Variants in PTPN3 observed in about 807,000 individuals in gnomAD.
PTPN3 encodes the protein protein tyrosine phosphatase non-receptor type 3.
Under a neutral mutation model 132.7 loss-of-function variants are expected in PTPN3, and 96 were observed. That is an observed-to-expected ratio of 0.72 (90% confidence interval 0.61 to 0.86). The LOEUF (loss-of-function observed/expected upper bound fraction) is 0.86. PTPN3 is among the 40% of genes least tolerant of loss of function. The pLI, the probability that PTPN3 is intolerant of heterozygous loss-of-function variation, is 0.00. For missense variants in PTPN3, 1,125 were observed against 1,159.6 expected (o/e 0.97, Z 0.43); for synonymous variants, 398 against 429.0 (o/e 0.93, Z 0.89).
At chr9:109,431,349 CAGTT>C (rs941994988) in intron 10 of PTPN3, among the ~76,000 whole-genome samples, 84 of 152,346 alleles carry the variant, frequency 5.5e-4, no homozygotes, top group African/African-American at 1.7e-3. Context: ...GGTTTGGTCA[CAGTT>C]AGGCTGGACC....
chr9:109,394,063 G>T (rs1311947065), intron 19 of PTPN3, among the ~76,000 whole-genome samples: 2 of 152,170 alleles, frequency 1.3e-5, no homozygotes, highest in Admixed American at 6.5e-5. Context: ...AATAAACTCT[G>T]TGAGTTCATT....
intron 1 of PTPN3, among the ~76,000 whole-genome samples, chr9:109,483,584 G>A (rs1415375622): frequency 6.6e-6 from 1 of 152,164 alleles, no homozygotes; most frequent in Non-Finnish European, 1.5e-5. Context: ...AGAAAGCGAT[G>A]CCTTCTAAGG....
intron 18 of PTPN3, among the ~76,000 whole-genome samples, chr9:109,404,846 T>C (rs1841430381): frequency 6.6e-6 from 1 of 152,222 alleles, no homozygotes; most frequent in South Asian, 2.1e-4. Context: ...AATAATGGTG[T>C]TTAACACTCA....
At chr9:109,422,971 G>T in intron 12 of PTPN3, 119 bp from the exon 13 acceptor site, 2 of 1,262,680 alleles carry the variant, frequency 1.6e-6, no homozygotes, top group Non-Finnish European at 1.1e-6. Context: ...TAATGCCAAG[G>T]TTATGGGGAG....
chr9:109,531,478 C>A, the PTPN3 span, among the ~76,000 whole-genome samples: 1 of 152,184 alleles, frequency 6.6e-6, no homozygotes, highest in South Asian at 2.1e-4. Flanking sequence ...TTGGTTCTTG[C>A]TCAAAATCTT....
the PTPN3 span, among the ~76,000 whole-genome samples, chr9:109,526,451 T>A: frequency 2.0e-5 from 3 of 151,908 alleles, no homozygotes; most frequent in South Asian, 2.1e-4. Flanking sequence ...GGTGGGAGGA[T>A]TGCTTGAGCC....
At chr9:109,514,257 C>T in the PTPN3 span, among the ~76,000 whole-genome samples, 3 of 152,150 alleles carry the variant, frequency 2.0e-5, no homozygotes, top group Non-Finnish European at 2.9e-5. Context: ...ATACTGATAA[C>T]ATTTTAATGT....
Position 109,382,337 on chromosome 9 carries a change from C to CAA in PTPN3, c.2492_2493insTT (p.Arg832Ter). 6.2e-7 allele frequency: 1 copy of CAA among 1,614,090 alleles called. No homozygotes were observed. The highest frequency in any genetic ancestry group is 8.5e-7 in the Non-Finnish European group (1 of 1,179,968). On this transcript the variant is annotated frameshift_variant, in exon 24 of 26. Transcript: ENST00000374541. LOFTEE classifies it high-confidence loss of function. ...CTAGGACGGGCTCGCTGTCCACTCT[C>CAA]AGAGACCTCACATAGTTTACAAATT... is the stretch of plus-strand genomic sequence containing the variant.
chr9:109,397,805 T>C (rs1227859136), intron 19 of PTPN3: 1 of 152,142 alleles, frequency 6.6e-6, no homozygotes, highest in Non-Finnish European at 1.5e-5. Context: ...TGGCAGCACT[T>C]CCTTTAGGTG....
intron 2 of PTPN3, 49 bp from the exon 3 acceptor site, chr9:109,457,448 G>T: frequency 6.8e-7 from 1 of 1,467,740 alleles, no homozygotes; most frequent in Non-Finnish European, 9.4e-7. Flanking sequence ...ATTAATTGGT[G>T]GTAAAAACAT....
intron 1 of PTPN3, among the ~76,000 whole-genome samples, chr9:109,484,436 A>G (rs926518531): frequency 2.0e-5 from 3 of 152,144 alleles, no homozygotes; most frequent in Non-Finnish European, 2.9e-5. Context: ...GAGAGCTAAC[A>G]CTGAGCACAG....
At chr9:109,464,955 G>A (rs1418226877) in intron 1 of PTPN3, among the ~76,000 whole-genome samples, 1 of 152,158 alleles carries the variant, frequency 6.6e-6, no homozygotes, top group Non-Finnish European at 1.5e-5. Context: ...TTTCTGAGAT[G>A]CTTTTAACAT....
At chr9:109,502,830 A>G (rs1213738161), upstream of PTPN3, among the ~76,000 whole-genome samples, 1 of 152,220 alleles carries the variant, frequency 6.6e-6, no homozygotes, top group Non-Finnish European at 1.5e-5. Context: ...TTATGGGTCA[A>G]AATGGTTGAA....
intron 1 of PTPN3, among the ~76,000 whole-genome samples, chr9:109,465,363 G>A (rs571337528): frequency 3.5e-4 from 53 of 152,238 alleles, no homozygotes; most frequent in African/African-American, 1.2e-3. Flanking sequence ...GGTCACCTGA[G>A]GTCAGGAGTT....
the PTPN3 span, chr9:109,533,962 T>G: frequency 1.3e-6 from 1 of 756,402 alleles, no homozygotes; most frequent in Non-Finnish European, 2.4e-6. Flanking sequence ...CTATAACATG[T>G]GCTGCCTCTG....
At chr9:109,447,429 G>C (rs1844937916) in intron 6 of PTPN3, among the ~76,000 whole-genome samples, 1 of 152,018 alleles carries the variant, frequency 6.6e-6, no homozygotes, top group African/African-American at 2.4e-5. Flanking sequence ...ATGTAAAAAT[G>C]CTGCCTCATG....
intron 14 of PTPN3, among the ~76,000 whole-genome samples, chr9:109,420,033 G>A (rs542560703): frequency 3.9e-5 from 6 of 152,324 alleles, no homozygotes; most frequent in African/African-American, 1.4e-4. Flanking sequence ...CCAATGATTT[G>A]AAATCATGTG....
At chr9:109,443,340 G>T (rs1353927996) in intron 7 of PTPN3, among the ~76,000 whole-genome samples, 1 of 151,986 alleles carries the variant, frequency 6.6e-6, no homozygotes, top group Non-Finnish European at 1.5e-5. Flanking sequence ...GCCTTAGAAA[G>T]TACTAGGACT....
In PTPN3 at chr9:109,379,451, C is replaced by T; in HGVS notation, c.*105G>A. On this transcript the variant is annotated 3_prime_UTR_variant, in exon 26 of 26. Transcript: ENST00000374541. ...TGCCTGGGTTCAGAGGTGCCCATTC[C>T]TTTCCCACAGCTACTGGTTCCTCTT... 3.8e-6 allele frequency: 4 copies of T among 1,066,192 alleles called. No homozygotes were observed. Among genetic ancestry groups the T allele is most frequent in the Non-Finnish European group, 5.7e-6 (4 of 701,378 alleles). The allele number at this position is 1,066,192 out of a possible 1,614,324, so 66.0% of individuals were successfully genotyped here.
Sources: allele counts gnomAD v4.1 joint callset (sites outside exome capture counted in the v4.1 genomes callset), GRCh38; gene constraint gnomAD v4.1.1; transcripts MANE v1.5; gene names NCBI Gene and HGNC (gene_info 2026-07-23, HGNC 2026-07-21).